Variants in RIN3 observed in about 807,000 individuals in gnomAD.
RIN3 encodes the protein Ras and Rab interactor 3, also known as RAB5 interacting protein 3.
In RIN3, 54 loss-of-function variants were observed where a neutral mutation model predicts 76.3. That is an observed-to-expected ratio of 0.71 (90% CI 0.57 to 0.89). The LOEUF (loss-of-function observed/expected upper bound fraction) is 0.89. RIN3 is among the 40% of genes least tolerant of loss of function. The probability of loss-of-function intolerance (pLI) is 0.00; values close to 1 mark genes in which losing one functional copy is unlikely to be tolerated. For missense variants in RIN3, 1,256 were observed against 1,322.1 expected (o/e 0.95, Z 0.78); for synonymous variants, 576 against 564.0 (o/e 1.02, Z -0.30).
At chr14:92,639,377 A>G (rs1045045430) in intron 4 of RIN3, among the ~76,000 whole-genome samples, 5 of 152,196 alleles carry the variant, frequency 3.3e-5, no homozygotes, top group Non-Finnish European at 7.3e-5. Context: ...GGTTGTGAAG[A>G]AAATAGTGGT....
intron 3 of RIN3, among the ~76,000 whole-genome samples, chr14:92,580,250 T>C (rs1898394151): frequency 1.3e-5 from 2 of 152,208 alleles, no homozygotes; most frequent in Admixed American, 1.3e-4. Flanking sequence ...GCACCTGTAG[T>C]TCCAGCTACT....
intron 1 of RIN3, among the ~76,000 whole-genome samples, chr14:92,529,786 C>T (rs928502663): frequency 3.9e-5 from 6 of 152,108 alleles, no homozygotes; most frequent in East Asian, 3.8e-4. Flanking sequence ...AGGGCTGCCT[C>T]GTGTTCCTAA....
intron 1 of RIN3, among the ~76,000 whole-genome samples, chr14:92,522,299 G>A (rs948153329): frequency 1.1e-4 from 16 of 151,612 alleles, no homozygotes; most frequent in African/African-American, 3.9e-4. Context: ...CCGGTGGGGG[G>A]CTCTCACCTG....
intron 1 of RIN3, among the ~76,000 whole-genome samples, chr14:92,534,239 A>ATTTTTTTTTT (rs34391787): frequency 7.9e-6 from 1 of 126,614 alleles, no homozygotes; most frequent in Admixed American, 8.3e-5. Flanking sequence ...GAGTCATGTC[A>ATTTTTTTTTT]TTTTTTTTTT....
intron 3 of RIN3, among the ~76,000 whole-genome samples, chr14:92,592,019 G>C (rs1431717052): frequency 1.3e-5 from 2 of 152,188 alleles, no homozygotes; most frequent in Non-Finnish European, 2.9e-5. Context: ...TTATGCTTAT[G>C]TGTGTATGTG....
chr14:92,518,568 C>T (rs1194480556), intron 1 of RIN3, among the ~76,000 whole-genome samples: 7 of 152,160 alleles, frequency 4.6e-5, no homozygotes, highest in Admixed American at 4.6e-4. Flanking sequence ...GAGTAGGGAC[C>T]CTGCTTGGCC....
intron 5 of RIN3, among the ~76,000 whole-genome samples, chr14:92,645,562 A>G (rs1279709756): frequency 6.6e-6 from 1 of 152,248 alleles, no homozygotes; most frequent in East Asian, 1.9e-4. Context: ...AGGCAAATCC[A>G]TAGAGACAGA....
intron 4 of RIN3, among the ~76,000 whole-genome samples, chr14:92,622,966 T>C (rs985978814): frequency 4.6e-5 from 7 of 152,222 alleles, no homozygotes; most frequent in Non-Finnish European, 8.8e-5. Flanking sequence ...TACTATAGGA[T>C]TGGGAAGAAC....
intron 8 of RIN3, among the ~76,000 whole-genome samples, chr14:92,682,908 G>A (rs763443940): frequency 6.6e-5 from 10 of 152,208 alleles, no homozygotes; most frequent in African/African-American, 2.2e-4. Context: ...GCTCACACCC[G>A]TAATCCCAGC....
Position 92,555,883 on chromosome 14 carries a change from A to G in RIN3, c.177A>G (p.Thr59=), listed in dbSNP as rs960594822. 6 of 1,614,020 alleles carry G rather than the reference A, an allele frequency of 3.7e-6. No homozygotes were observed. Among genetic ancestry groups the G allele is most frequent in the South Asian group, 1.1e-5 (1 of 91,080 alleles). ...GISILEKLIK[T]CPVWLQLSLG... Reference sequence around the variant, plus strand: ...GCATCCTGGAGAAGCTCATCAAAACATGCCCGGTGTGGCTGCAGCTGAGTC... The same window carrying G: ...GCATCCTGGAGAAGCTCATCAAAACGTGCCCGGTGTGGCTGCAGCTGAGTC... Residue 59 remains threonine (T), a synonymous_variant, in exon 2 of 10, where the codon ACA becomes ACG. Coordinates refer to ENST00000216487, the MANE Select transcript of RIN3 (RefSeq NM_024832.5).
chr14:92,649,431 C>A (rs2146495), intron 5 of RIN3, among the ~76,000 whole-genome samples: 1 of 151,866 alleles, frequency 6.6e-6, no homozygotes, highest in South Asian at 2.1e-4. Context: ...TTCAAACACT[C>A]ACTCCAGGGG....
At chr14:92,527,022 GTGTC>G (rs1361287432) in intron 1 of RIN3, among the ~76,000 whole-genome samples, 1 of 148,538 alleles carries the variant, frequency 6.7e-6, no homozygotes, top group African/African-American at 2.5e-5. Context: ...TGTTCTCTCT[GTGTC>G]TGTCTGTGTT....
chr14:92,577,440 C>T lies in RIN3; in HGVS notation c.330C>T (p.Ala110=), dbSNP rs369321952. The change falls in exon 3 of 10, where the codon GCC becomes GCT. Residue 110 remains alanine, a synonymous_variant. Coordinates refer to ENST00000216487, the MANE Select transcript of RIN3 (RefSeq NM_024832.5). ...VHFPSLNESS[A]EVLEYTIKEE... is the part of the protein sequence containing the mutation. ...TTCCTTCTCTGAACGAAAGCTCGGC[C>T]GAGGTGCTCGAATACACCATTAAGG... The T allele has an allele frequency of 2.2e-4, 363 of 1,613,444 alleles. 1 individual carries two copies. Among genetic ancestry groups the T allele is most frequent in the Non-Finnish European group, 2.9e-4 (345 of 1,179,658 alleles).
intron 4 of RIN3, among the ~76,000 whole-genome samples, chr14:92,636,194 T>C (rs1264050165): frequency 6.6e-6 from 1 of 151,968 alleles, no homozygotes; most frequent in Non-Finnish European, 1.5e-5. Flanking sequence ...TCTGTAATGG[T>C]TAGCATTGAT....
intron 2 of RIN3, among the ~76,000 whole-genome samples, chr14:92,569,856 C>T (rs1898016638): frequency 1.3e-5 from 2 of 152,120 alleles, no homozygotes; most frequent in South Asian, 4.1e-4. Flanking sequence ...GTACTGTGGC[C>T]CTGACCCGCG....
intron 1 of RIN3, among the ~76,000 whole-genome samples, chr14:92,543,833 CTAGACGGGTGTTTTA>C (rs1026823027): frequency 3.3e-5 from 5 of 151,866 alleles, no homozygotes; most frequent in African/African-American, 1.2e-4. Context: ...ATTCATTGTC[CTAGACGGGTGTTTTA>C]TTGGCACATC....
intron 1 of RIN3, among the ~76,000 whole-genome samples, chr14:92,533,153 G>T (rs534959923): frequency 1.3e-5 from 2 of 151,934 alleles, no homozygotes; most frequent in Admixed American, 1.3e-4. Flanking sequence ...AATAACACAC[G>T]AATTCACATA....
chr14:92,626,100 C>T (rs922649093), intron 4 of RIN3, among the ~76,000 whole-genome samples: 6 of 152,082 alleles, frequency 3.9e-5, no homozygotes, highest in East Asian at 1.9e-4. Flanking sequence ...GTCAAATGTT[C>T]GGGAAAGATT....
At chr14:92,579,021 G>A (rs1053709547) in intron 3 of RIN3, among the ~76,000 whole-genome samples, 6 of 151,684 alleles carry the variant, frequency 4.0e-5, no homozygotes, top group East Asian at 1.9e-4. Flanking sequence ...TCCGCCTCCC[G>A]GGTTCAAGCG....
Sources: allele counts gnomAD v4.1 joint callset (sites outside exome capture counted in the v4.1 genomes callset), GRCh38; gene constraint gnomAD v4.1.1; transcripts MANE v1.5; gene names NCBI Gene and HGNC (gene_info 2026-07-23, HGNC 2026-07-21).